Variants in ZNF568 observed in about 807,000 individuals in gnomAD.
The protein encoded by ZNF568 is p53 inhibitor of SCO2 activation.
A neutral mutation model predicts 18.1 loss-of-function variants in ZNF568; 11 were observed. The observed-to-expected ratio is 0.61, with a 90% CI of 0.38 to 1.00. ZNF568 has a LOEUF of 1.00. Ranked by LOEUF, ZNF568 falls within the 50% of genes least tolerant of loss-of-function variation. The pLI is 0.01. For synonymous variants in ZNF568, 213 were observed against 246.6 expected (o/e 0.86, Z 1.28); for missense variants, 639 against 768.2 (o/e 0.83, Z 1.99).
At chr19:36,988,626 C>T (rs2074397044) in intron 2 of ZNF568, among the ~76,000 whole-genome samples, 1 of 152,164 alleles carries the variant, frequency 6.6e-6, no homozygotes. Flanking sequence ...GTGTTCCAGT[C>T]ACCTCCCGCC....
chr19:36,950,146 G>C lies in ZNF568; in HGVS notation c.993G>C (p.Glu331Asp). 6.2e-7 allele frequency: 1 copy of C among 1,613,908 alleles called. No individual in the cohort carries two copies. The highest frequency in any genetic ancestry group is 8.5e-7 in the Non-Finnish European group (1 of 1,179,930). ...AACATGAGCGAATTCACACTGGAGA[G>C]AAACCCTATGAATGTAAGGAATGTG... Reference protein sequence around the residue: ...LIEHERIHTGEKPYECKECGK... With the variant: ...LIEHERIHTGDKPYECKECGK... The change falls in exon 7 of 7, where the codon GAG (glutamate) becomes GAC (aspartate). Residue 331 changes from glutamate (E) to aspartate (D), a missense_variant. Coordinates refer to ENST00000333987, the MANE Select transcript of ZNF568 (RefSeq NM_198539.4).
intron 6 of ZNF568, among the ~76,000 whole-genome samples, chr19:36,963,310 T>G (rs1007227813): frequency 6.6e-6 from 1 of 152,222 alleles, no homozygotes; most frequent in Admixed American, 6.5e-5. Context: ...AGTAGCTTCA[T>G]TTTTCTTAGC....
At chr19:36,986,813 T>C (rs1250902032) in intron 2 of ZNF568, among the ~76,000 whole-genome samples, 1 of 152,178 alleles carries the variant, frequency 6.6e-6, no homozygotes, top group African/African-American at 2.4e-5. Context: ...CTTCATAGAC[T>C]GCTGTGATCT....
chr19:36,933,867 G>A (rs982228886), intron 4 of ZNF568, among the ~76,000 whole-genome samples: 7 of 137,506 alleles, frequency 5.1e-5, no homozygotes, highest in African/African-American at 1.9e-4. Context: ...CACCAGTGAA[G>A]CCATCTAGGC....
chr19:36,964,667 T>C (rs2074181000), intron 6 of ZNF568, among the ~76,000 whole-genome samples: 1 of 151,976 alleles, frequency 6.6e-6, no homozygotes, highest in African/African-American at 2.4e-5. Context: ...TTTTAAAAAA[T>C]TTGGCGGACG....
downstream of ZNF568, among the ~76,000 whole-genome samples, chr19:36,953,430 A>C (rs1345007598): frequency 6.6e-6 from 1 of 152,200 alleles, no homozygotes; most frequent in Non-Finnish European, 1.5e-5. Flanking sequence ...TGACTTACAC[A>C]GCCCATCCGG....
intron 6 of ZNF568, among the ~76,000 whole-genome samples, chr19:36,941,296 A>G (rs545088505): frequency 1.4e-4 from 22 of 152,332 alleles, no homozygotes; most frequent in African/African-American, 3.8e-4. Context: ...GGTATGAAAG[A>G]AAAAAGTCAA....
intron 2 of ZNF568, among the ~76,000 whole-genome samples, chr19:36,988,588 C>G (rs1000393774): frequency 2.0e-5 from 3 of 152,156 alleles, no homozygotes; most frequent in Non-Finnish European, 4.4e-5. Context: ...GGGGGTGGTA[C>G]TAAGCCATTC....
intron 2 of ZNF568, among the ~76,000 whole-genome samples, chr19:36,988,694 A>G (rs1433973183): frequency 1.3e-5 from 2 of 152,192 alleles, no homozygotes; most frequent in Non-Finnish European, 2.9e-5. Context: ...GTGGGGACAC[A>G]GATCCAAACC....
chr19:36,985,553 C>CA (rs778303721), intron 2 of ZNF568, among the ~76,000 whole-genome samples: 24 of 151,944 alleles, frequency 1.6e-4, no homozygotes, highest in Non-Finnish European at 2.8e-4. Flanking sequence ...GACACAGTCT[C>CA]ACTGTGTCAC....
At chr19:36,956,716 C>G (rs965472267), downstream of ZNF568, among the ~76,000 whole-genome samples, 2 of 151,986 alleles carry the variant, frequency 1.3e-5, no homozygotes, top group African/African-American at 4.8e-5. Flanking sequence ...CATGCCTCAG[C>G]CTTCTGAGTA....
chr19:36,957,153 A>G (rs1382631385), downstream of ZNF568, among the ~76,000 whole-genome samples: 1 of 151,540 alleles, frequency 6.6e-6, no homozygotes, highest in East Asian at 1.9e-4. Context: ...AGCAAATGAG[A>G]TCAAAAGAAG....
At chr19:36,927,886 A>ATT (rs34263646) in intron 4 of ZNF568, among the ~76,000 whole-genome samples, 1 of 48,216 alleles carries the variant, frequency 2.1e-5, no homozygotes, top group Non-Finnish European at 3.4e-5. Flanking sequence ...ATATATATAT[A>ATT]TTATATATAT....
chr19:36,997,736 T>C, downstream of ZNF568: 1 of 716,596 alleles, frequency 1.4e-6, no homozygotes, highest in Non-Finnish European at 2.3e-6. Context: ...GAGGGATGGC[T>C]CAGAATTTGA....
At chr19:36,921,250 T>A (rs1319917122) in intron 2 of ZNF568, among the ~76,000 whole-genome samples, 2 of 151,216 alleles carry the variant, frequency 1.3e-5, no homozygotes, top group Admixed American at 1.3e-4. Flanking sequence ...TCACCTGAGG[T>A]CAGGAGTTCA....
intron 6 of ZNF568, among the ~76,000 whole-genome samples, chr19:36,962,277 G>GTTATTTTTTTT (rs1555736279): frequency 1.8e-4 from 8 of 45,264 alleles, no homozygotes; most frequent in Non-Finnish European, 1.9e-4. Flanking sequence ...GTGTTGCAGT[G>GTTATTTTTTTT]TTTTTTTTTT....
chr19:36,923,649 A>T (rs993898073), intron 3 of ZNF568, among the ~76,000 whole-genome samples: 1 of 150,936 alleles, frequency 6.6e-6, no homozygotes, highest in East Asian at 1.9e-4. Context: ...ATAATCTTTA[A>T]TTTTTTTCTG....
downstream of ZNF568, among the ~76,000 whole-genome samples, chr19:36,983,939 C>T (rs1160142794): frequency 7.8e-6 from 1 of 128,850 alleles, no homozygotes; most frequent in Non-Finnish European, 1.5e-5. Flanking sequence ...CGCTCTGTCG[C>T]CCAGGCTGGA....
intron 6 of ZNF568, among the ~76,000 whole-genome samples, chr19:36,939,455 C>G (rs2073842419): frequency 2.0e-5 from 3 of 150,268 alleles, no homozygotes; most frequent in African/African-American, 7.4e-5. Flanking sequence ...CTAATCCAGT[C>G]TATTTTCTGT....
Sources: gnomAD v4.1 joint callset for allele counts (sites outside exome capture counted in the v4.1 genomes callset) on GRCh38, gnomAD v4.1.1 for gene constraint, MANE v1.5 for transcripts, NCBI Gene and HGNC (gene_info 2026-07-23, HGNC 2026-07-21) for gene names.